The following RPE65 variants were observed in gnomAD, a reference collection of about 807,000 sequenced individuals.
The protein encoded by RPE65 is retinoid isomerohydrolase.
RPE65 carries 58 observed loss-of-function variants against 68.5 expected under a neutral mutation model. That is an observed-to-expected ratio of 0.85 (90% CI 0.69 to 1.05). The LOEUF (loss-of-function observed/expected upper bound fraction) is 1.05. Among genes scored for constraint, RPE65 ranks in the 50% least tolerant of loss-of-function variants. The probability of loss-of-function intolerance (pLI) is 0.00; values close to 1 mark genes in which losing one functional copy is unlikely to be tolerated. For missense variants in RPE65, 643 were observed against 629.9 expected (o/e 1.02, Z -0.22); for synonymous variants, 220 against 222.2 (o/e 0.99, Z 0.09).
intron 5 of RPE65, 144 bp downstream of exon 5, chr1:68,444,387 G>T: frequency 9.7e-7 from 1 of 1,026,286 alleles, no homozygotes; most frequent in Non-Finnish European, 1.5e-6. Context: ...GGCAATCAGT[G>T]CAGTCCATTT....
Position 68,440,866 on chromosome 1 carries a change from T to A in RPE65, c.630A>T (p.Pro210=). 1.9e-6 allele frequency: 3 copies of A among 1,614,054 alleles called. No homozygotes were observed. The highest frequency in any genetic ancestry group is 2.5e-6 in the Non-Finnish European group (3 of 1,179,894). The part of the protein sequence containing the change: ...FSIAYNIVKI[P]PLQADKEDPI... Reference sequence around the variant, plus strand: ...TGGTAAACTCACCTGCTTGCAGTGGTGGGATCTTTACAATGTTGTAGGCAA... The same window carrying A: ...TGGTAAACTCACCTGCTTGCAGTGGAGGGATCTTTACAATGTTGTAGGCAA... The change falls in exon 6 of 14, where the codon CCA becomes CCT. Residue 210 remains proline (P), a synonymous_variant. Coordinates refer to ENST00000262340, the MANE Select transcript of RPE65 (RefSeq NM_000329.3).
intron 3 of RPE65, among the ~76,000 whole-genome samples, chr1:68,446,000 G>A (rs199749202): frequency 1.3e-5 from 2 of 151,814 alleles, no homozygotes; most frequent in East Asian, 3.9e-4. Context: ...TTTTCAAAAT[G>A]CCTGAAATCT....
rs1224080719 is a variant in RPE65, at chr1:68,440,858, T to G, written c.638A>C (p.Gln213Pro). The G allele has an allele frequency of 1.2e-6, 2 of 1,613,978 alleles. No homozygotes were observed. The highest frequency in any genetic ancestry group is 1.7e-6 in the Non-Finnish European group (2 of 1,179,844). Residue 213 changes from glutamine (Q) to proline (P), a missense_variant, in exon 6 of 14, where the codon CAA becomes CCA. Physicochemically the swap from Gln to Pro is moderately conservative, Grantham distance 76 (BLOSUM62 -1). Transcript: ENST00000262340. ...GGACAGATTGGTAAACTCACCTGCT[T>G]GCAGTGGTGGGATCTTTACAATGTT... ...AYNIVKIPPL[Q>P]ADKEDPISKS...
chr1:68,439,165 A>C, intron 8 of RPE65, 26 bp downstream of exon 8: 1 of 1,614,102 alleles, frequency 6.2e-7, no homozygotes, highest in Non-Finnish European at 8.5e-7. Flanking sequence ...AGAATCACAA[A>C]CTTGACAAAT....
chr1:68,439,340 A>G lies in RPE65; in HGVS notation c.726-17T>C. 6.2e-7 allele frequency: 1 copy of G among 1,612,552 alleles called. No homozygotes were observed. The highest frequency in any genetic ancestry group is 8.5e-7 in the Non-Finnish European group (1 of 1,179,912). ...AGACCAAAACTGTTCAGAAACACAA[A>G]TGGGCTTGTGAATGAAAGGGCTGAT... On this transcript the variant is annotated splice_polypyrimidine_tract_variant and intron_variant, in intron 7 of 13. Transcript: ENST00000262340.
intron 5 of RPE65, among the ~76,000 whole-genome samples, chr1:68,441,395 G>C (rs914435557): frequency 6.6e-5 from 10 of 151,946 alleles, no homozygotes; most frequent in Non-Finnish European, 8.8e-5. Context: ...TTCCAAAAAT[G>C]TCAATTTCGT....
chr1:68,448,048 G>A (rs1029073259), intron 2 of RPE65, among the ~76,000 whole-genome samples: 1 of 152,156 alleles, frequency 6.6e-6, no homozygotes, highest in Non-Finnish European at 1.5e-5. Flanking sequence ...GTGTTGGATA[G>A]TGGGTGAATC....
intron 10 of RPE65, among the ~76,000 whole-genome samples, chr1:68,435,905 G>T (rs1447435734): frequency 6.6e-6 from 1 of 152,138 alleles, no homozygotes; most frequent in Non-Finnish European, 1.5e-5. Flanking sequence ...TGTATTTTAT[G>T]TACCCACTGC....
At chr1:68,438,737 G>A (rs999294860) in intron 9 of RPE65, among the ~76,000 whole-genome samples, 5 of 152,116 alleles carry the variant, frequency 3.3e-5, no homozygotes, top group Non-Finnish European at 7.3e-5. Context: ...TGGGGTTCAT[G>A]GACCCGATTA....
chr1:68,444,765 G>C lies in RPE65; in HGVS notation c.353+11C>G. 13 of 1,613,940 alleles carry C rather than the reference G, an allele frequency of 8.1e-6. No homozygotes were observed. Among genetic ancestry groups the C allele is most frequent in the Non-Finnish European group, 1.1e-5 (13 of 1,179,848 alleles). ...AATGTCTTGAGTAACATTCAGTTTG[G>C]GTTCAGTAACCTGGAAAATATATTC... On this transcript the variant is annotated intron_variant, in intron 4 of 13. Coordinates refer to ENST00000262340, the MANE Select transcript of RPE65 (RefSeq NM_000329.3).
At chr1:68,441,223 CTT>C (rs1056010411) in intron 5 of RPE65, among the ~76,000 whole-genome samples, 15 of 152,102 alleles carry the variant, frequency 9.9e-5, no homozygotes, top group Admixed American at 9.2e-4. Flanking sequence ...TGTGACATCT[CTT>C]TATTTGATGT....
chr1:68,446,519 G>C (rs1338613695), intron 3 of RPE65, among the ~76,000 whole-genome samples, 191 bp downstream of exon 3: 5 of 152,156 alleles, frequency 3.3e-5, no homozygotes, highest in Non-Finnish European at 7.4e-5. Context: ...AAAGCCCTAG[G>C]CTTTAGCTTC....
intron 6 of RPE65, among the ~76,000 whole-genome samples, chr1:68,440,097 T>G (rs1301733954): frequency 6.6e-6 from 1 of 152,220 alleles, no homozygotes; most frequent in Non-Finnish European, 1.5e-5. Flanking sequence ...CAAACTTTAG[T>G]GTGCATCAGA....
intron 10 of RPE65, among the ~76,000 whole-genome samples, chr1:68,437,421 G>T (rs1645869422): frequency 6.6e-6 from 1 of 152,150 alleles, no homozygotes; most frequent in Non-Finnish European, 1.5e-5. Flanking sequence ...TTGCTTAAGA[G>T]CAGTGGTGTT....
At chr1:68,442,896 A>G (rs1645913271) in intron 5 of RPE65, among the ~76,000 whole-genome samples, 1 of 152,188 alleles carries the variant, frequency 6.6e-6, no homozygotes, top group Admixed American at 6.5e-5. Context: ...GTCTGTTGAG[A>G]ATTATAGATC....
At chr1:68,447,735 G>A (rs61771496) in intron 2 of RPE65, among the ~76,000 whole-genome samples, 1 of 152,178 alleles carries the variant, frequency 6.6e-6, no homozygotes, top group Non-Finnish European at 1.5e-5. Context: ...TGTAGTCCCA[G>A]CTACTTGGAA....
chr1:68,446,592 G>T, intron 3 of RPE65, 118 bp downstream of exon 3: 1 of 1,156,188 alleles, frequency 8.6e-7, no homozygotes, highest in Non-Finnish European at 1.3e-6. Context: ...GGTACATTGT[G>T]AGAAGAAAGT....
chr1:68,440,380 AGTT>A (rs761786408), intron 6 of RPE65, among the ~76,000 whole-genome samples: 8 of 152,168 alleles, frequency 5.3e-5, no homozygotes, highest in Non-Finnish European at 1.2e-4. Flanking sequence ...TTTTTGCTGT[AGTT>A]CTTTTTCTAT....
chr1:68,446,803 T>G lies in RPE65; in HGVS notation c.152A>C (p.Glu51Ala), dbSNP rs1645945889. 1 of 1,614,084 alleles carries G rather than the reference T, an allele frequency of 6.2e-7. No homozygotes were observed. The highest frequency in any genetic ancestry group is 8.5e-7 in the Non-Finnish European group (1 of 1,180,010). ...GTGGTAAAATGGCTCAGATCCAACT[T>G]CAAAGAGTCCTGGCCCACATCGAAG... ...SLLRCGPGLFEVGSEPFYHLF... is the reference protein window; with the variant it reads ...SLLRCGPGLFAVGSEPFYHLF... The change falls in exon 3 of 14, where the codon GAA becomes GCA. Residue 51 changes from glutamate (E) to alanine (A), a missense_variant. Transcript: ENST00000262340.
Sources: gnomAD v4.1 joint callset for allele counts (sites outside exome capture counted in the v4.1 genomes callset) on GRCh38, gnomAD v4.1.1 for gene constraint, MANE v1.5 for transcripts, NCBI Gene and HGNC (gene_info 2026-07-23, HGNC 2026-07-21) for gene names.